Variants in MACROD2 observed in about 807,000 individuals in gnomAD.
MACROD2 encodes ADP-ribose glycohydrolase MACROD2.
In MACROD2, 36 loss-of-function variants were observed where a neutral mutation model predicts 70.4. The ratio of observed to expected loss-of-function variants is 0.51; its 90% confidence interval spans 0.39 to 0.68. MACROD2 has a LOEUF of 0.68. Ranked by LOEUF, MACROD2 falls within the 30% of genes least tolerant of loss-of-function variation. The pLI, the probability that MACROD2 is intolerant of heterozygous loss-of-function variation, is 0.00. For missense variants in MACROD2, 496 were observed against 538.4 expected (o/e 0.92, Z 0.78); for synonymous variants, 172 against 178.8 (o/e 0.96, Z 0.30).
intron 8 of MACROD2, among the ~76,000 whole-genome samples, chr20:15,631,138 G>A (rs143845927): frequency 1.8e-4 from 28 of 152,302 alleles, no homozygotes; most frequent in African/African-American, 6.3e-4. Context: ...AAATGAGAGG[G>A]ACATACTAGC....
At chr20:14,186,257 C>T (rs2081342997) in intron 3 of MACROD2, among the ~76,000 whole-genome samples, 1 of 152,070 alleles carries the variant, frequency 6.6e-6, no homozygotes, top group Admixed American at 6.6e-5. Flanking sequence ...TCTATCTTTG[C>T]CTATCATATC....
At chr20:14,072,162 G>T (rs2053853320) in intron 2 of MACROD2, among the ~76,000 whole-genome samples, 1 of 152,076 alleles carries the variant, frequency 6.6e-6, no homozygotes, top group African/African-American at 2.4e-5. Context: ...TGACACCTTT[G>T]TATTGCTTTC....
chr20:14,779,574 A>G lies in MACROD2; in HGVS notation c.418+94615A>G, dbSNP rs2072274520. ...TATTCAAAATGGAATTTAACTGGGA[A>G]CTTCATATTGTATTGTACACTTAAC... On this transcript the variant is annotated intron_variant, in intron 5 of 17. Coordinates refer to ENST00000684519, the MANE Select transcript of MACROD2 (RefSeq NM_001351661.2). Among the ~76,000 whole-genome samples the G allele has an allele frequency of 2.0e-5, 3 of 152,084 alleles. No individual in the cohort carries two copies. The South Asian group carries it at 6.2e-4, about 32-fold the overall frequency.
At chr20:14,503,465 G>A (rs2084935525) in intron 4 of MACROD2, among the ~76,000 whole-genome samples, 1 of 152,162 alleles carries the variant, frequency 6.6e-6, no homozygotes, top group Non-Finnish European at 1.5e-5. Flanking sequence ...TCCAAAACTG[G>A]CTTTGAGAGT....
chr20:15,301,591 C>CTTTTTTTTTTTGTTTTTTTTTTTTT (rs2077643159), intron 6 of MACROD2, among the ~76,000 whole-genome samples: 1 of 81,250 alleles, frequency 1.2e-5, no homozygotes, highest in Non-Finnish European at 2.4e-5. Flanking sequence ...GGTAGGTGGC[C>CTTTTTTTTTTTGTTTTTTTTTTTTT]TTTTTTTTTT....
At chr20:15,647,366 A>G (rs975134150) in intron 8 of MACROD2, among the ~76,000 whole-genome samples, 1 of 152,154 alleles carries the variant, frequency 6.6e-6, no homozygotes, top group Non-Finnish European at 1.5e-5. Flanking sequence ...GAAGAGTTAC[A>G]AACAGCTTGG....
chr20:15,837,528 G>A (rs987661085), intron 8 of MACROD2, among the ~76,000 whole-genome samples: 3 of 152,072 alleles, frequency 2.0e-5, no homozygotes, highest in African/African-American at 7.2e-5. Flanking sequence ...TCAGGTGCTT[G>A]TCTGTTTTTT....
chr20:15,583,753 C>T (rs1338657383), intron 8 of MACROD2, among the ~76,000 whole-genome samples: 3 of 152,148 alleles, frequency 2.0e-5, no homozygotes, highest in Non-Finnish European at 4.4e-5. Context: ...AAGTGATTTT[C>T]CTGCCTCAGC....
intron 6 of MACROD2, among the ~76,000 whole-genome samples, chr20:15,283,607 G>A (rs2077465532): frequency 6.6e-6 from 1 of 152,088 alleles, no homozygotes; most frequent in Non-Finnish European, 1.5e-5. Context: ...GGGAGGCAGA[G>A]GTTGCAGTGA....
intron 8 of MACROD2, among the ~76,000 whole-genome samples, chr20:15,588,181 G>A (rs1001856600): frequency 6.6e-6 from 1 of 152,192 alleles, no homozygotes; most frequent in East Asian, 1.9e-4. Flanking sequence ...GCTGCCAAGG[G>A]TTGGGGCTTC....
At chr20:15,050,754 A>C (rs1450128942) in intron 5 of MACROD2, among the ~76,000 whole-genome samples, 1 of 151,528 alleles carries the variant, frequency 6.6e-6, no homozygotes, top group East Asian at 1.9e-4. Flanking sequence ...AGGTTGCTTT[A>C]ATTAATAAAA....
chr20:14,406,118 G>C (rs1387700345), intron 3 of MACROD2, among the ~76,000 whole-genome samples: 1 of 152,014 alleles, frequency 6.6e-6, no homozygotes, highest in African/African-American at 2.4e-5. Context: ...ATAATCATGA[G>C]GACCTGTTTG....
At chr20:14,786,491 G>T (rs577525552) in intron 5 of MACROD2, among the ~76,000 whole-genome samples, 62 of 151,762 alleles carry the variant, frequency 4.1e-4, no homozygotes, top group African/African-American at 1.5e-3. Flanking sequence ...GTCTCTTTGT[G>T]CATTCTCAGC....
intron 10 of MACROD2, among the ~76,000 whole-genome samples, chr20:15,928,351 A>G (rs2147307436): frequency 6.6e-6 from 1 of 152,342 alleles, no homozygotes; most frequent in African/African-American, 2.4e-5. Flanking sequence ...CTCACTTGAT[A>G]TGAGTGCCAG....
intron 5 of MACROD2, among the ~76,000 whole-genome samples, chr20:14,738,444 G>A (rs1010301597): frequency 1.3e-5 from 2 of 151,948 alleles, no homozygotes; most frequent in Non-Finnish European, 2.9e-5. Flanking sequence ...ACCAAAAAAG[G>A]TAAAATGAAA....
intron 3 of MACROD2, among the ~76,000 whole-genome samples, chr20:14,403,841 A>G (rs2083663494): frequency 6.6e-6 from 1 of 152,174 alleles, no homozygotes; most frequent in African/African-American, 2.4e-5. Flanking sequence ...GCTCTAGCAA[A>G]TATGAGCTTA....
intron 4 of MACROD2, among the ~76,000 whole-genome samples, chr20:14,625,839 TTCAGATGGAGTC>T (rs1276909493): frequency 2.0e-5 from 3 of 152,168 alleles, no homozygotes; most frequent in Non-Finnish European, 4.4e-5. Context: ...GTTGTTGTTT[TTCAGATGGAGTC>T]TCACTCTATC....
At chr20:15,253,051 T>C (rs1277244093) in intron 6 of MACROD2, among the ~76,000 whole-genome samples, 1 of 152,210 alleles carries the variant, frequency 6.6e-6, no homozygotes, top group Non-Finnish European at 1.5e-5. Context: ...GAATTAGTAC[T>C]TAAACCATGT....
chr20:14,397,502 T>G (rs2083593401), intron 3 of MACROD2, among the ~76,000 whole-genome samples: 1 of 152,194 alleles, frequency 6.6e-6, no homozygotes. Flanking sequence ...TTTTTCTCCT[T>G]TGGCTATGTG....
Sources: allele counts gnomAD v4.1 joint callset (sites outside exome capture counted in the v4.1 genomes callset), GRCh38; gene constraint gnomAD v4.1.1; transcripts MANE v1.5; gene names NCBI Gene and HGNC (gene_info 2026-07-23, HGNC 2026-07-21).